The following USP7 variants were observed in gnomAD, a reference collection of about 807,000 sequenced individuals.
USP7 encodes ubiquitin specific peptidase 7.
A neutral mutation model predicts 162.9 loss-of-function variants in USP7; 9 were observed. The observed-to-expected ratio is 0.06, with a 90% CI of 0.03 to 0.10. The LOEUF is 0.10. USP7 is among the 10% of genes least tolerant of loss of function. The pLI is 1.00. For synonymous variants in USP7, 562 were observed against 475.9 expected (o/e 1.18, Z -2.35); for missense variants, 715 against 1,373.7 (o/e 0.52, Z 7.58).
intron 8 of USP7, 63 bp from the exon 9 acceptor site, chr16:8,915,588 T>G: frequency 1.5e-6 from 2 of 1,368,726 alleles, no homozygotes; most frequent in African/African-American, 2.9e-5. Flanking sequence ...TACAGTAATT[T>G]TATAATTGAC....
intron 1 of USP7, 67 bp downstream of exon 1, chr16:8,963,140 C>A (rs1297222696): frequency 3.0e-6 from 4 of 1,311,988 alleles, no homozygotes. Context: ...CGCGTGGCTC[C>A]CGCGGCTCCC....
intron 17 of USP7, 92 bp downstream of exon 17, chr16:8,902,289 A>C: frequency 1.3e-6 from 2 of 1,580,824 alleles, no homozygotes; most frequent in Non-Finnish European, 1.7e-6. Flanking sequence ...ATTCTAGTTA[A>C]GTGGACCAAA....
chr16:8,901,305 A>G lies in USP7; in HGVS notation c.2048-71T>C, dbSNP rs1326879445. 3.8e-6 allele frequency: 4 copies of G among 1,046,508 alleles called. No individual in the cohort carries two copies. In the Admixed American group the frequency reaches 1.1e-4, roughly 28 times the overall value. 64.8% of individuals were successfully genotyped at this position (1,046,508 alleles called of 1,614,324 possible). On this transcript the variant is annotated intron_variant, in intron 18 of 30. Coordinates refer to ENST00000344836, the MANE Select transcript of USP7 (RefSeq NM_003470.3). ...ACAATGCTTAAAAAACAAAAAAACA[A>G]ACAAACAAAAAAACGAAAAAAAAAA...
intron 1 of USP7, among the ~76,000 whole-genome samples, chr16:8,938,814 G>A (rs1320836673): frequency 6.6e-6 from 1 of 151,966 alleles, no homozygotes; most frequent in Non-Finnish European, 1.5e-5. Flanking sequence ...TATTTACATA[G>A]CATTTACACT....
chr16:8,942,088 C>T (rs1040835038), intron 1 of USP7, among the ~76,000 whole-genome samples: 5 of 152,214 alleles, frequency 3.3e-5, no homozygotes, highest in African/African-American at 9.6e-5. Context: ...TAGAGCAAAC[C>T]GCAACAGGAA....
chr16:8,946,562 T>C (rs1460647183), intron 1 of USP7, among the ~76,000 whole-genome samples: 1 of 152,122 alleles, frequency 6.6e-6, no homozygotes, highest in Admixed American at 6.6e-5. Flanking sequence ...CTCAAATATA[T>C]AAACAACAGT....
intron 15 of USP7, 41 bp from the exon 16 acceptor site, chr16:8,903,443 G>A (rs1455300986): frequency 5.7e-6 from 9 of 1,588,640 alleles, no homozygotes; most frequent in African/African-American, 4.1e-5. Context: ...CTTGACAACT[G>A]ACAAAAAATG....
At chr16:8,917,002 C>A in intron 7 of USP7, 24 bp downstream of exon 7, 3 of 1,519,706 alleles carry the variant, frequency 2.0e-6, no homozygotes, top group South Asian at 1.3e-5. Context: ...AGCAGAATGG[C>A]AAAGGCAGAT....
At chr16:8,896,399 G>GT (rs1480202622) in intron 26 of USP7, among the ~76,000 whole-genome samples, 1 of 152,084 alleles carries the variant, frequency 6.6e-6, no homozygotes, top group Non-Finnish European at 1.5e-5. Flanking sequence ...GGGTCTCACT[G>GT]TTTAATAATT....
At chr16:8,922,620 C>A (rs1008742466) in intron 3 of USP7, among the ~76,000 whole-genome samples, 4 of 152,204 alleles carry the variant, frequency 2.6e-5, no homozygotes, top group African/African-American at 9.7e-5. Flanking sequence ...TCAGCAGCTT[C>A]CCCTGGTTCC....
chr16:8,920,543 G>T, intron 4 of USP7, 96 bp from the exon 5 acceptor site: 1 of 1,001,070 alleles, frequency 1.0e-6, no homozygotes, highest in African/African-American at 1.7e-5. Context: ...TAATAGAGAT[G>T]AAAATACTTT....
intron 1 of USP7, among the ~76,000 whole-genome samples, chr16:8,938,824 T>C (rs1898897566): frequency 6.6e-6 from 1 of 152,170 alleles, no homozygotes; most frequent in Non-Finnish European, 1.5e-5. Context: ...GCATTTACAC[T>C]GTATTAGATA....
At chr16:8,898,120 C>A (rs1353251488) in intron 25 of USP7, among the ~76,000 whole-genome samples, 1 of 152,052 alleles carries the variant, frequency 6.6e-6, no homozygotes, top group Non-Finnish European at 1.5e-5. Flanking sequence ...ACAGTGGGAC[C>A]CAGAAGGGAA....
chr16:8,962,976 G>C, intron 1 of USP7: 1 of 237,654 alleles, frequency 4.2e-6, no homozygotes, highest in Non-Finnish European at 8.0e-6. Flanking sequence ...AGGCCCGGCG[G>C]ACGCGAGGTC....
chr16:8,900,760 C>A, intron 20 of USP7, 130 bp from the exon 21 acceptor site: 1 of 750,856 alleles, frequency 1.3e-6, no homozygotes, highest in South Asian at 2.0e-5. Context: ...AAAATGTTAA[C>A]AGGAAAAGCT....
intron 2 of USP7, chr16:8,929,330 C>T: frequency 2.7e-6 from 1 of 373,654 alleles, no homozygotes. Context: ...GCGCACTCCA[C>T]AGGTAACAAA....
intron 1 of USP7, among the ~76,000 whole-genome samples, chr16:8,938,331 AAC>A (rs1370344355): frequency 4.0e-5 from 5 of 126,362 alleles, no homozygotes; most frequent in East Asian, 4.1e-4. Flanking sequence ...CTTAAGAAAT[AAC>A]ACAGTCAAAA....
chr16:8,894,890 C>T, intron 28 of USP7, 35 bp from the exon 29 acceptor site: 4 of 1,614,152 alleles, frequency 2.5e-6, no homozygotes, highest in Non-Finnish European at 2.5e-6. Context: ...CACACAGTCA[C>T]TCCCAGCACC....
At position 8,930,315 on chromosome 16, in the gene USP7, G is replaced by C; in HGVS notation, c.162C>G (p.Thr54=). ...TACCATCCTCCATGTCCTCCTCCGC[G>C]GTGTTGTGTCCATCACTCAGGGCCA... ...GNVALSDGHN[T]AEEDMEDDTS... The change falls in exon 2 of 31, where the codon ACC becomes ACG. Residue 54 remains threonine, a synonymous_variant. Transcript: ENST00000344836. 1 of 1,612,752 alleles carries C rather than the reference G, an allele frequency of 6.2e-7. No individual in the cohort carries two copies. Among genetic ancestry groups the C allele is most frequent in the Non-Finnish European group, 8.5e-7 (1 of 1,179,364 alleles).
Sources: gnomAD v4.1 joint callset for allele counts (sites outside exome capture counted in the v4.1 genomes callset) on GRCh38, gnomAD v4.1.1 for gene constraint, MANE v1.5 for transcripts, NCBI Gene and HGNC (gene_info 2026-07-23, HGNC 2026-07-21) for gene names.